RGS3: variants seen among roughly 807,000 people sequenced by gnomAD.
RGS3 encodes the protein regulator of G protein signaling 3.
A neutral mutation model predicts 132.6 loss-of-function variants in RGS3; 80 were observed. That is an observed-to-expected ratio of 0.60 (90% CI 0.50 to 0.73). The LOEUF (loss-of-function observed/expected upper bound fraction) is 0.73, where lower values mean the gene tolerates loss of function less well. Ranked by LOEUF, RGS3 falls within the 30% of genes least tolerant of loss-of-function variation. RGS3 has a pLI of 0.00. For missense variants in RGS3, 1,382 were observed against 1,530.8 expected (o/e 0.90, Z 1.62); for synonymous variants, 598 against 620.6 (o/e 0.96, Z 0.54).
intron 19 of RGS3, chr9:113,580,846 G>A (rs1834762512): frequency 2.0e-6 from 2 of 985,780 alleles, no homozygotes; most frequent in Non-Finnish European, 1.2e-6. Context: ...GGCTCTGACT[G>A]ACAGTCACCA....
At chr9:113,448,870 T>C (rs917502410) in intron 1 of RGS3, among the ~76,000 whole-genome samples, 3 of 152,196 alleles carry the variant, frequency 2.0e-5, no homozygotes, top group Non-Finnish European at 4.4e-5. Context: ...CTTTGGATAT[T>C]ACCATTTAAG....
chr9:113,506,830 A>T lies in RGS3; in HGVS notation c.1085+337A>T, dbSNP rs566934472. ...TATTTAAGGGCATGAAGATGTTGCA[A>T]ATGTTTCAATTGCACAATTAAAAAA... On this transcript the variant is annotated intron_variant, in intron 12 of 24. Coordinates refer to ENST00000350696, the Ensembl canonical transcript of RGS3. The surrounding 1 kb of genome is among the most constrained non-coding windows in gnomAD (Gnocchi z 4.7). 6.6e-6 allele frequency among the ~76,000 whole-genome samples: 1 copy of T among 152,152 alleles called. No individual in the cohort carries two copies.
intron 18 of RGS3, among the ~76,000 whole-genome samples, chr9:113,530,737 C>G (rs12343141): frequency 0.12 from 18,153 of 152,228 alleles, 1,301 homozygotes; most frequent in African/African-American, 0.19. Flanking sequence ...TATTGATTTG[C>G]GGCTTTTTGT....
At chr9:113,503,187 A>G (rs1258032312) in intron 10 of RGS3, among the ~76,000 whole-genome samples, 1 of 152,218 alleles carries the variant, frequency 6.6e-6, no homozygotes, top group African/African-American at 2.4e-5. Flanking sequence ...AGAAGCCGCC[A>G]AGGCCTCGGG....
In RGS3 at chr9:113,506,702, C is replaced by T. The variant is rs1218996303; in HGVS notation, c.1085+209C>T. On this transcript the variant is annotated intron_variant, in intron 12 of 24. Transcript: ENST00000350696. The surrounding 1 kb of genome is among the most constrained non-coding windows in gnomAD (Gnocchi z 4.7). ...GAGCACTTTTGGATTCCAGAGCAAACAGCAGGGAAGATGCTCTCAGACTCT... is the reference window on the plus strand; with the variant it reads ...GAGCACTTTTGGATTCCAGAGCAAATAGCAGGGAAGATGCTCTCAGACTCT... 6.6e-6 allele frequency among the ~76,000 whole-genome samples: 1 copy of T among 152,216 alleles called. No individual in the cohort carries two copies. The highest frequency in any genetic ancestry group is 1.5e-5 in the Non-Finnish European group (1 of 68,042).
At chr9:113,462,590 A>C (rs1829501848) in intron 3 of RGS3, among the ~76,000 whole-genome samples, 2 of 152,208 alleles carry the variant, frequency 1.3e-5, no homozygotes, top group African/African-American at 4.8e-5. Flanking sequence ...TAGCTCTGCA[A>C]ACCTTGGGCA....
exon 11 of RGS3, chr9:113,505,507 C>T (rs748052283): frequency 6.2e-7 from 1 of 1,614,012 alleles, no homozygotes; most frequent in Admixed American, 1.7e-5. Flanking sequence ...CAGTTCGAGT[C>T]CAGGCCGTGG....
chr9:113,462,407 G>C (rs925073370), intron 3 of RGS3, among the ~76,000 whole-genome samples: 1 of 152,218 alleles, frequency 6.6e-6, no homozygotes, highest in African/African-American at 2.4e-5. Context: ...CCAGTTTGCT[G>C]ATTCAGGGCT....
At chr9:113,539,945 TCC>T (rs1832835501) in intron 19 of RGS3, among the ~76,000 whole-genome samples, 2 of 152,144 alleles carry the variant, frequency 1.3e-5, no homozygotes, top group Non-Finnish European at 2.9e-5. Flanking sequence ...GTGTCAGTAG[TCC>T]CATCTGGGCA....
chr9:113,510,098 T>C (rs1312995615), intron 14 of RGS3, among the ~76,000 whole-genome samples: 1 of 150,816 alleles, frequency 6.6e-6, no homozygotes, highest in Non-Finnish European at 1.5e-5. Context: ...CTCCCATCCT[T>C]CCCCCGAAGT....
At chr9:113,498,026 C>T (rs2119281626) in exon 10 of RGS3, 2 of 1,614,044 alleles carry the variant, frequency 1.2e-6, no homozygotes, top group Non-Finnish European at 1.7e-6. Flanking sequence ...ACCTTCCAGA[C>T]CCGCTGCTGA....
rs199869637 is a variant in RGS3 at position 113,447,335 on chromosome 9, A to ATG, written c.-13+2409_-13+2410insGT. 1.8e-3 allele frequency among the ~76,000 whole-genome samples: 134 copies of ATG among 73,962 alleles called. 16 individuals are homozygous for ATG. The highest frequency in any genetic ancestry group is 3.7e-3 in the African/African-American group (77 of 20,892). The allele number at this position is 73,962 out of a possible 152,430, so 48.5% of individuals were successfully genotyped here. ...AATTCTGATGTATGTATATGTATAT[A>ATG]TATATATATATATATATATATATAT... On this transcript the variant is annotated intron_variant, in intron 1 of 25. Transcript: ENST00000374140.
At chr9:113,494,109 A>G (rs560757579) in intron 7 of RGS3, among the ~76,000 whole-genome samples, 71 of 152,268 alleles carry the variant, frequency 4.7e-4, no homozygotes, top group African/African-American at 1.6e-3. Flanking sequence ...AGGATGGGGT[A>G]AGAGAGAGGA....
intron 7 of RGS3, among the ~76,000 whole-genome samples, chr9:113,491,075 T>C (rs1463730539): frequency 7.1e-6 from 1 of 140,928 alleles, no homozygotes; most frequent in East Asian, 2.0e-4. Context: ...TATATTGGTA[T>C]ATATAATTAT....
At chr9:113,583,199 A>C in intron 19 of RGS3, 1 of 618,912 alleles carries the variant, frequency 1.6e-6, no homozygotes, top group East Asian at 3.1e-5. Flanking sequence ...GATAGTGGTT[A>C]TCTCTCCCTC....
chr9:113,515,560 G>T (rs542108628), intron 15 of RGS3, among the ~76,000 whole-genome samples: 1 of 151,506 alleles, frequency 6.6e-6, no homozygotes, highest in East Asian at 1.9e-4. Flanking sequence ...GAACCTGGGG[G>T]GTGGAGGTTG....
In RGS3 at chr9:113,506,391, G is replaced by C; in HGVS notation, c.983G>C (p.Gly328Ala). Reference sequence around the variant, plus strand: ...TGGCTTTTCTTTGTCCCTGCAGGGGGTCCGGCGGAACGGGCAGGGCTGCAG... The same window carrying C: ...TGGCTTTTCTTTGTCCCTGCAGGGGCTCCGGCGGAACGGGCAGGGCTGCAG... Residue 328 changes from glycine to alanine, a missense_variant, in exon 12 of 25, where the codon GGT (glycine) becomes GCT (alanine). By Grantham distance (60) the Gly-to-Ala change is moderately conservative (BLOSUM62 0). Coordinates refer to ENST00000350696, the Ensembl canonical transcript of RGS3. This position sits in a 1 kb window ranked among gnomAD's most constrained non-coding sequence, Gnocchi z 4.7. The C allele has an allele frequency of 6.3e-7, 1 of 1,583,308 alleles. No homozygotes were observed. Among genetic ancestry groups the C allele is most frequent in the Non-Finnish European group, 8.6e-7 (1 of 1,165,286 alleles).
upstream of RGS3, chr9:113,460,216 AT>A: frequency 8.1e-7 from 1 of 1,227,906 alleles, no homozygotes; most frequent in Non-Finnish European, 1.0e-6. Context: ...CTTTAACCTT[AT>A]TTCCTTTTAA....
intron 19 of RGS3, among the ~76,000 whole-genome samples, chr9:113,576,728 A>C (rs1834545021): frequency 6.6e-6 from 1 of 152,194 alleles, no homozygotes. Flanking sequence ...CCAGGGCTAC[A>C]GAATTTGGAC....
Sources: gnomAD v4.1 joint callset for allele counts (sites outside exome capture counted in the v4.1 genomes callset) on GRCh38, gnomAD v4.1.1 for gene constraint, Gnocchi (gnomAD v3.1) non-coding constraint, MANE v1.5 for transcripts, NCBI Gene and HGNC (gene_info 2026-07-23, HGNC 2026-07-21) for gene names.